Variants in SYCP3 observed in about 807,000 individuals in gnomAD.
SYCP3 encodes the protein synaptonemal complex protein 3.
Under a neutral mutation model 38.5 loss-of-function variants are expected in SYCP3, and 29 were observed. The observed-to-expected ratio is 0.75, with a 90% CI of 0.56 to 1.03. The LOEUF is 1.03. SYCP3 is among the 50% of genes least tolerant of loss of function. The pLI is 0.00. For missense variants in SYCP3, 242 were observed against 270.7 expected (o/e 0.89, Z 0.74); for synonymous variants, 79 against 80.3 (o/e 0.98, Z 0.08).
chr12:101,736,552 G>A (rs1952452201), intron 4 of SYCP3, among the ~76,000 whole-genome samples: 1 of 151,944 alleles, frequency 6.6e-6, no homozygotes, highest in Admixed American at 6.6e-5. Context: ...TAGCAAAATT[G>A]TCTTTAGTAT....
chr12:101,735,876 T>TAATATAATCAA (rs1226839955), intron 4 of SYCP3, among the ~76,000 whole-genome samples: 1,394 of 131,324 alleles, frequency 0.011, 172 homozygotes, highest in African/African-American at 0.039. Flanking sequence ...TATATATTTT[T>TAATATAATCAA]TTTTTTTTAA....
Position 101,737,884 on chromosome 12 carries a change from CCA to C in SYCP3, c.50_51del (p.Val17GlyfsTer9). On this transcript the variant is annotated frameshift_variant, in exon 2 of 9. Coordinates refer to ENST00000392924, the MANE Select transcript of SYCP3 (RefSeq NM_001177949.2). LOFTEE classifies it high-confidence loss of function. ...KYSRKSGKPSVEDQFTRAYDF... is the reference protein window; with the variant it reads ...KYSRKSGKPSXEDQFTRAYDF... ...TCATAGGCTCTCGTAAACTGATCTT[CCA>C]CAGACGGCTTCCCAGATTTCCTGGA... 1 of 1,614,192 alleles carries C rather than the reference CCA, an allele frequency of 6.2e-7. No homozygotes were observed. The highest frequency in any genetic ancestry group is 8.5e-7 in the Non-Finnish European group (1 of 1,180,032).
intron 6 of SYCP3, 152 bp downstream of exon 6, chr12:101,733,423 A>T (rs776465394): frequency 1.5e-6 from 1 of 669,686 alleles, no homozygotes; most frequent in East Asian, 2.6e-5. Context: ...GTATGTGCCT[A>T]TACGTCTGTG....
intron 2 of SYCP3, 65 bp downstream of exon 2, chr12:101,737,738 A>G: frequency 6.2e-7 from 1 of 1,607,362 alleles, no homozygotes; most frequent in Non-Finnish European, 8.5e-7. Context: ...GTTGTACGAT[A>G]GTCTCAATGG....
intron 2 of SYCP3, chr12:101,737,538 T>A: frequency 1.5e-6 from 1 of 645,686 alleles, no homozygotes; most frequent in African/African-American, 1.8e-5. Context: ...GTAAGCCACA[T>A]ACTATATATC....
intron 4 of SYCP3, 148 bp from the exon 5 acceptor site, chr12:101,735,192 C>T (rs1952354820): frequency 5.0e-6 from 3 of 598,518 alleles, no homozygotes; most frequent in South Asian, 4.1e-5. Flanking sequence ...TTTCAAAATG[C>T]AGAATTGTTT....
At chr12:101,736,624 C>T (rs1952454738) in intron 4 of SYCP3, among the ~76,000 whole-genome samples, 1 of 151,600 alleles carries the variant, frequency 6.6e-6, no homozygotes, top group Non-Finnish European at 1.5e-5. Flanking sequence ...CACTGTCCTC[C>T]CTAAAGAAAA....
At chr12:101,736,247 T>C (rs1018549528) in intron 4 of SYCP3, among the ~76,000 whole-genome samples, 3 of 152,246 alleles carry the variant, frequency 2.0e-5, no homozygotes, top group Admixed American at 2.0e-4. Context: ...TAAGCCTTTA[T>C]CTTATGGATC....
At position 101,728,919 on chromosome 12, in the gene SYCP3, A is replaced by G. The variant is rs745855075; in HGVS notation, c.*8T>C. 17 of 1,613,356 alleles carry G rather than the reference A, an allele frequency of 1.1e-5. No homozygotes were observed. The highest frequency in any genetic ancestry group is 1.3e-5 in the Non-Finnish European group (15 of 1,179,660). On this transcript the variant is annotated 3_prime_UTR_variant, in exon 9 of 9. Coordinates refer to ENST00000392924, the MANE Select transcript of SYCP3 (RefSeq NM_001177949.2). ...TACTTAGGTTCAAGTTCTTTCTTCA[A>G]AGAGTCATCAGAATAACATGGATTG...
intron 4 of SYCP3, 92 bp downstream of exon 4, chr12:101,736,945 C>T (rs1952472648): frequency 1.7e-6 from 2 of 1,175,592 alleles, no homozygotes; most frequent in Non-Finnish European, 1.2e-6. Flanking sequence ...CATTAAATAA[C>T]AGTCTTATAG....
rs774123467 is a variant in SYCP3, at chr12:101,733,702, C to T, written c.354-28G>A. ...GTAAAACATAATGATGAATTATTGT[C>T]ATATTTCATACCAATATAAAAAGAA... is the stretch of plus-strand genomic sequence containing the variant. On this transcript the variant is annotated intron_variant, in intron 5 of 8. Coordinates refer to ENST00000392924, the MANE Select transcript of SYCP3 (RefSeq NM_001177949.2). 3.2e-6 allele frequency: 5 copies of T among 1,573,030 alleles called. No individual in the cohort carries two copies. The South Asian group carries it at 5.5e-5, about 17-fold the overall frequency.
rs201568592 is a variant in SYCP3, at chr12:101,735,871, A to ATTTT, written c.236-831_236-828dup. ...CAATTTTATATATATATATATATAT[A>ATTTT]TTTTTTTTTTTTTAAAGACACGGGG... On this transcript the variant is annotated intron_variant, in intron 4 of 8. Coordinates refer to ENST00000392924, the MANE Select transcript of SYCP3 (RefSeq NM_001177949.2). Among the ~76,000 whole-genome samples the ATTTT allele has an allele frequency of 1.1e-3, 83 of 74,688 alleles. 5 individuals are homozygous for ATTTT. The highest frequency in any genetic ancestry group is 1.5e-3 in the Non-Finnish European group (60 of 39,942). The allele number at this position is 74,688 out of a possible 152,430, so 49.0% of individuals were successfully genotyped here.
chr12:101,731,450 T>G, intron 7 of SYCP3, 118 bp downstream of exon 7: 1 of 585,540 alleles, frequency 1.7e-6, no homozygotes, highest in South Asian at 3.8e-5. Flanking sequence ...GAATTCAAAA[T>G]GGAAAAGTAG....
chr12:101,736,390 A>T (rs2137072090), intron 4 of SYCP3, among the ~76,000 whole-genome samples: 1 of 152,264 alleles, frequency 6.6e-6, no homozygotes, highest in South Asian at 2.1e-4. Context: ...CAAAGGTTTC[A>T]AAAAAGAGTT....
chr12:101,733,548 G>T (rs2137059735), intron 6 of SYCP3, 27 bp downstream of exon 6: 2 of 1,592,642 alleles, frequency 1.3e-6, no homozygotes, highest in Non-Finnish European at 8.6e-7. Context: ...AGACTTGGTT[G>T]ATTATAAACC....
chr12:101,731,770 C>G, intron 6 of SYCP3, 104 bp from the exon 7 acceptor site: 1 of 811,512 alleles, frequency 1.2e-6, no homozygotes, highest in Non-Finnish European at 1.9e-6. Flanking sequence ...TGTTAAAAAT[C>G]AATGCTTTTA....
At chr12:101,737,610 C>G (rs952929959) in intron 2 of SYCP3, 193 bp downstream of exon 2, 1 of 754,358 alleles carries the variant, frequency 1.3e-6, no homozygotes, top group Non-Finnish European at 2.2e-6. Flanking sequence ...AACTCCGATA[C>G]TGCAATATAA....
Position 101,731,552 on chromosome 12 carries a change from A to G in SYCP3, c.552+16T>C. The G allele has an allele frequency of 6.5e-7, 1 of 1,533,004 alleles. No homozygotes were observed. Among genetic ancestry groups the G allele is most frequent in the Non-Finnish European group, 8.9e-7 (1 of 1,118,954 alleles). 95.0% of individuals were successfully genotyped at this position (1,533,004 alleles called of 1,614,324 possible). A position where few individuals can be genotyped will look rare whatever the true frequency, so the allele number is the denominator to read the frequency against. ...ATGTTTTATAACGATGTATTGTGTTACCACATACAACAAACCTTTATGAAC... is the reference window on the plus strand; with the variant it reads ...ATGTTTTATAACGATGTATTGTGTTGCCACATACAACAAACCTTTATGAAC... On this transcript the variant is annotated intron_variant, in intron 7 of 8. Transcript: ENST00000392924.
At chr12:101,732,495 T>C (rs1325161994) in intron 6 of SYCP3, 1 of 152,146 alleles carries the variant, frequency 6.6e-6, no homozygotes, top group Non-Finnish European at 1.5e-5. Context: ...GAGACCAAAA[T>C]GTGCAGATGC....
Sources: allele counts gnomAD v4.1 joint callset (sites outside exome capture counted in the v4.1 genomes callset), GRCh38; gene constraint gnomAD v4.1.1; transcripts MANE v1.5; gene names NCBI Gene and HGNC (gene_info 2026-07-23, HGNC 2026-07-21).